Variants in WWOX observed in about 807,000 individuals in gnomAD.
WWOX encodes WW domain containing oxidoreductase.
Under a neutral mutation model 46.2 loss-of-function variants are expected in WWOX, and 69 were observed. That is an observed-to-expected ratio of 1.49 (90% CI 1.23 to 1.82). The LOEUF is 1.82. WWOX is among the 40% of genes most tolerant of loss of function. The probability of loss-of-function intolerance (pLI) is 0.00; values close to 1 mark genes in which losing one functional copy is unlikely to be tolerated. For missense variants in WWOX, 919 were observed against 542.6 expected (o/e 1.69, Z -6.89); for synonymous variants, 359 against 202.6 (o/e 1.77, Z -6.56).
At chr16:78,868,446 T>C (rs907427409) in intron 8 of WWOX, among the ~76,000 whole-genome samples, 1 of 149,684 alleles carries the variant, frequency 6.7e-6, no homozygotes, top group Admixed American at 6.8e-5. Context: ...AGGACAAGAC[T>C]GTGGTGATGG....
intron 6 of WWOX, among the ~76,000 whole-genome samples, chr16:78,424,344 T>G (rs2083026290): frequency 6.6e-6 from 1 of 152,136 alleles, no homozygotes; most frequent in South Asian, 2.1e-4. Flanking sequence ...GGTCTCAAAC[T>G]CCTGACCTAA....
At chr16:78,905,238 C>T (rs560608178) in intron 8 of WWOX, among the ~76,000 whole-genome samples, 162 of 152,144 alleles carry the variant, frequency 1.1e-3, no homozygotes, top group East Asian at 4.3e-3. Context: ...GAGGAGGAGG[C>T]GGAGAAGAAA....
At chr16:78,584,650 C>A (rs556442199) in intron 8 of WWOX, among the ~76,000 whole-genome samples, 246 of 152,222 alleles carry the variant, frequency 1.6e-3, no homozygotes, top group African/African-American at 5.8e-3. Context: ...TTCTATGATA[C>A]CACTTGTGTA....
intron 8 of WWOX, among the ~76,000 whole-genome samples, chr16:78,741,786 C>A (rs189076949): frequency 1.3e-5 from 2 of 151,976 alleles, no homozygotes; most frequent in Admixed American, 6.6e-5. Context: ...ATCCAGGAGA[C>A]GGAGGTTGCA....
At chr16:78,879,829 A>T (rs184553408) in intron 8 of WWOX, among the ~76,000 whole-genome samples, 6 of 151,774 alleles carry the variant, frequency 4.0e-5, no homozygotes, top group African/African-American at 1.4e-4. Flanking sequence ...GTGAGCTGAG[A>T]TCATGTCATT....
At chr16:78,694,410 A>G (rs925173789) in intron 8 of WWOX, among the ~76,000 whole-genome samples, 6 of 152,096 alleles carry the variant, frequency 3.9e-5, no homozygotes, top group South Asian at 4.1e-4. Context: ...TCCTGAAACA[A>G]TGCCCTTCCC....
At chr16:78,358,135 C>T (rs1440415353) in intron 5 of WWOX, among the ~76,000 whole-genome samples, 1 of 152,096 alleles carries the variant, frequency 6.6e-6, no homozygotes, top group African/African-American at 2.4e-5. Flanking sequence ...TTTAATAACA[C>T]AGAGAAATCT....
Position 78,359,786 on chromosome 16 carries a change from C to G in WWOX, c.517-27074C>G, listed in dbSNP as rs150017492. ...CTCATAATTCGGTGTGAGAAACACA[C>G]AAGGCATGATGCCATTCCCATCTGG... On this transcript the variant is annotated intron_variant, in intron 5 of 8. Transcript: ENST00000566780. 2.0e-5 allele frequency among the ~76,000 whole-genome samples: 3 copies of G among 152,306 alleles called. No homozygotes were observed. The East Asian group carries it at 5.8e-4, about 29-fold the overall frequency.
At chr16:78,186,756 C>A (rs376222305) in intron 5 of WWOX, among the ~76,000 whole-genome samples, 1 of 152,102 alleles carries the variant, frequency 6.6e-6, no homozygotes. Flanking sequence ...CAAAGTGAGA[C>A]CCTGTCTCAA....
At chr16:78,597,763 T>TATAC (rs751392494) in intron 8 of WWOX, among the ~76,000 whole-genome samples, 1 of 17,800 alleles carries the variant, frequency 5.6e-5, no homozygotes, top group Non-Finnish European at 2.3e-4. Context: ...TATATGTGTA[T>TATAC]ATATATATAT....
chr16:78,173,957 T>G (rs925185663), intron 5 of WWOX, among the ~76,000 whole-genome samples: 10 of 147,772 alleles, frequency 6.8e-5, no homozygotes, highest in African/African-American at 2.5e-4. Flanking sequence ...CTGAGAGGAA[T>G]TGAGAGAGAG....
At chr16:78,970,480 A>T (rs1373597241) in intron 8 of WWOX, among the ~76,000 whole-genome samples, 14 of 152,164 alleles carry the variant, frequency 9.2e-5, no homozygotes, top group Non-Finnish European at 1.5e-5. Context: ...ACCTGGTACT[A>T]CCTAATAAAA....
chr16:78,182,158 C>G (rs1483244257), intron 5 of WWOX, among the ~76,000 whole-genome samples: 1 of 152,186 alleles, frequency 6.6e-6, no homozygotes, highest in Admixed American at 6.5e-5. Flanking sequence ...GCCTCAGTTT[C>G]CTCATCTGTA....
intron 8 of WWOX, among the ~76,000 whole-genome samples, chr16:78,922,640 A>C (rs1409198659): frequency 1.3e-5 from 2 of 152,176 alleles, no homozygotes; most frequent in East Asian, 3.9e-4. Context: ...TGGCCTCCCA[A>C]AGTGCTGGGA....
intron 8 of WWOX, among the ~76,000 whole-genome samples, chr16:79,046,492 G>C (rs1291602523): frequency 1.3e-5 from 2 of 152,216 alleles, no homozygotes; most frequent in Non-Finnish European, 2.9e-5. Flanking sequence ...AAGGTTCACT[G>C]TCTGGTGAAG....
chr16:78,417,504 A>G (rs977066446), intron 6 of WWOX, among the ~76,000 whole-genome samples: 1 of 152,208 alleles, frequency 6.6e-6, no homozygotes, highest in Non-Finnish European at 1.5e-5. Context: ...ACCCATAGTT[A>G]GTACTCAAAA....
chr16:78,927,467 C>G (rs1358599908), intron 8 of WWOX, among the ~76,000 whole-genome samples: 1 of 152,286 alleles, frequency 6.6e-6, no homozygotes, highest in Non-Finnish European at 1.5e-5. Context: ...TAAAAGTTCT[C>G]TTTTCATCCC....
chr16:78,423,906 T>G (rs528802300), intron 6 of WWOX, among the ~76,000 whole-genome samples: 139 of 151,800 alleles, frequency 9.2e-4, no homozygotes, highest in African/African-American at 3.1e-3. Flanking sequence ...GGCTTCCACT[T>G]ACCTATCTTT....
intron 8 of WWOX, among the ~76,000 whole-genome samples, chr16:78,757,788 A>G (rs913666009): frequency 3.9e-4 from 59 of 152,022 alleles, no homozygotes; most frequent in South Asian, 4.2e-4. Flanking sequence ...CCTTCCTGCT[A>G]TGTCCTTACA....
Sources: allele counts gnomAD v4.1 joint callset (sites outside exome capture counted in the v4.1 genomes callset), GRCh38; gene constraint gnomAD v4.1.1; transcripts MANE v1.5; gene names NCBI Gene and HGNC (gene_info 2026-07-23, HGNC 2026-07-21).